SCGN: variants seen among roughly 807,000 people sequenced by gnomAD.
SCGN encodes secretagogin, EF-hand calcium binding protein, also known as secretagogin.
SCGN carries 30 observed loss-of-function variants against 39.7 expected under a neutral mutation model. That is an observed-to-expected ratio of 0.76 (90% CI 0.57 to 1.03). The LOEUF is 1.03. Among genes scored for constraint, SCGN ranks in the 50% least tolerant of loss-of-function variants. SCGN has a pLI of 0.00. For synonymous variants in SCGN, 106 were observed against 114.1 expected, an observed-to-expected ratio of 0.93 and a Z score of 0.45; for missense variants, 353 against 349.4, an observed-to-expected ratio of 1.01 and a Z score of -0.08.
intron 6 of SCGN, 54 bp from the exon 7 acceptor site, chr6:25,681,897 C>T (rs541246678): frequency 1.7e-5 from 25 of 1,442,888 alleles, no homozygotes; most frequent in South Asian, 4.6e-5. Flanking sequence ...GCTTTAATAA[C>T]GTTCAGAATT....
At chr6:25,657,681 G>C (rs145013304) in intron 2 of SCGN, among the ~76,000 whole-genome samples, 1 of 148,642 alleles carries the variant, frequency 6.7e-6, no homozygotes, top group African/African-American at 2.5e-5. Flanking sequence ...TATATATTAC[G>C]TGTATATATA....
rs755327524 is a variant in SCGN at position 25,692,453 on chromosome 6, C to G, written c.702+1329C>G. ...GCTTTGGAACCTTACAGCACTCTAC[C>G]CCACCACCCCCCAGAGAGGTTTTGG... On this transcript the variant is annotated intron_variant, in intron 10 of 10. Coordinates refer to ENST00000377961, the MANE Select transcript of SCGN (RefSeq NM_006998.4). Among the ~76,000 whole-genome samples the G allele has an allele frequency of 5.7e-4, 87 of 152,036 alleles. 1 individual carries two copies. Among genetic ancestry groups the G allele is most frequent in the Non-Finnish European group, 1.1e-3 (75 of 68,024 alleles).
intron 2 of SCGN, among the ~76,000 whole-genome samples, chr6:25,654,625 C>T (rs1760194547): frequency 6.6e-6 from 1 of 152,130 alleles, no homozygotes; most frequent in South Asian, 2.1e-4. Flanking sequence ...TTTTTCCAGT[C>T]TCTCTGCTTC....
chr6:25,668,348 CA>C (rs1365041150), intron 4 of SCGN, among the ~76,000 whole-genome samples: 1 of 152,050 alleles, frequency 6.6e-6, no homozygotes, highest in Non-Finnish European at 1.5e-5. Flanking sequence ...TAAAACAGTT[CA>C]GTGCTTTCTT....
chr6:25,686,845 G>A (rs1486183689), intron 7 of SCGN, among the ~76,000 whole-genome samples: 1 of 152,050 alleles, frequency 6.6e-6, no homozygotes, highest in Admixed American at 6.6e-5. Context: ...TCTGTTTTAT[G>A]TAAATCCTTT....
intron 6 of SCGN, among the ~76,000 whole-genome samples, chr6:25,675,931 G>C (rs964548796): frequency 1.3e-5 from 2 of 152,070 alleles, no homozygotes; most frequent in East Asian, 3.9e-4. Context: ...AAACCTCTTG[G>C]ATACACTTAG....
intron 10 of SCGN, among the ~76,000 whole-genome samples, chr6:25,695,571 C>A (rs951274357): frequency 3.9e-5 from 6 of 152,108 alleles, no homozygotes; most frequent in African/African-American, 9.7e-5. Flanking sequence ...ACTCTGTTGC[C>A]CAGGCTGGAG....
chr6:25,687,450 C>T (rs986996602), intron 7 of SCGN, among the ~76,000 whole-genome samples: 2 of 151,980 alleles, frequency 1.3e-5, no homozygotes, highest in African/African-American at 2.4e-5. Context: ...TATCATGAAA[C>T]GATTAGTATT....
chr6:25,653,417 T>C lies in SCGN; in HGVS notation c.118T>C (p.Phe40Leu). ...CATAGAAGAGAAGGAACTCGATGCTTTCTTTCTCCACATGTTGATGAAACT... is the reference window on the plus strand; with the variant it reads ...CATAGAAGAGAAGGAACTCGATGCTCTCTTTCTCCACATGTTGATGAAACT... ...GYIEEKELDAFFLHMLMKLGT... is the reference protein window; with the variant it reads ...GYIEEKELDALFLHMLMKLGT... Residue 40 changes from phenylalanine (F) to leucine (L), a missense_variant, in exon 2 of 11, where the codon TTC (phenylalanine) becomes CTC (leucine). Transcript: ENST00000377961. The C allele has an allele frequency of 6.2e-7, 1 of 1,613,318 alleles. No individual in the cohort carries two copies.
intron 10 of SCGN, among the ~76,000 whole-genome samples, chr6:25,696,924 A>G (rs1317227002): frequency 6.6e-6 from 1 of 152,208 alleles, no homozygotes; most frequent in Non-Finnish European, 1.5e-5. Flanking sequence ...GGAGAAGAAA[A>G]TGTAATCCCA....
At chr6:25,679,453 G>A (rs2151380578) in intron 6 of SCGN, among the ~76,000 whole-genome samples, 1 of 151,706 alleles carries the variant, frequency 6.6e-6, no homozygotes, top group Admixed American at 6.6e-5. Flanking sequence ...GAGCACCCTT[G>A]CAGCTTCAGG....
intron 6 of SCGN, among the ~76,000 whole-genome samples, chr6:25,681,484 T>C (rs558267426): frequency 6.6e-6 from 1 of 152,370 alleles, no homozygotes; most frequent in South Asian, 2.1e-4. Flanking sequence ...CTCCAAATAA[T>C]TAGTTTTCCT....
intron 10 of SCGN, among the ~76,000 whole-genome samples, chr6:25,698,543 A>C (rs1471014331): frequency 6.6e-6 from 1 of 152,222 alleles, no homozygotes; most frequent in African/African-American, 2.4e-5. Flanking sequence ...GAAGATGCTG[A>C]AAAGCAAACA....
At chr6:25,675,515 T>C (rs1759553586) in intron 6 of SCGN, among the ~76,000 whole-genome samples, 1 of 152,216 alleles carries the variant, frequency 6.6e-6, no homozygotes, top group Non-Finnish European at 1.5e-5. Context: ...AAAAGTCAAG[T>C]GCTGTCTTTA....
intron 9 of SCGN, among the ~76,000 whole-genome samples, chr6:25,690,694 TA>T (rs1232189459): frequency 6.6e-6 from 1 of 152,134 alleles, no homozygotes; most frequent in Non-Finnish European, 1.5e-5. Context: ...TAGGGCAAAA[TA>T]AAAAATTTCA....
intron 3 of SCGN, among the ~76,000 whole-genome samples, chr6:25,663,271 T>C (rs1488207808): frequency 6.6e-6 from 1 of 152,132 alleles, no homozygotes; most frequent in Non-Finnish European, 1.5e-5. Flanking sequence ...TCATGTTGGA[T>C]TTTCTAGCAA....
intron 6 of SCGN, among the ~76,000 whole-genome samples, chr6:25,679,893 C>T (rs1759616136): frequency 7.8e-6 from 1 of 128,028 alleles, no homozygotes; most frequent in Non-Finnish European, 1.9e-5. Context: ...AAACATGAAG[C>T]AAACCAAATT....
At chr6:25,662,932 T>A (rs1320395279) in intron 3 of SCGN, among the ~76,000 whole-genome samples, 2 of 152,226 alleles carry the variant, frequency 1.3e-5, no homozygotes, top group African/African-American at 2.4e-5. Context: ...GTGCTCAGTA[T>A]TTCTTGACCT....
At chr6:25,694,612 A>G (rs1274806980) in intron 10 of SCGN, among the ~76,000 whole-genome samples, 2 of 152,228 alleles carry the variant, frequency 1.3e-5, no homozygotes, top group Admixed American at 6.5e-5. Flanking sequence ...TTCAAAAGGA[A>G]TTTATTGGGA....
Sources: allele counts gnomAD v4.1 joint callset (sites outside exome capture counted in the v4.1 genomes callset), GRCh38; gene constraint gnomAD v4.1.1; transcripts MANE v1.5; gene names NCBI Gene and HGNC (gene_info 2026-07-23, HGNC 2026-07-21).